LHFPL3: variants seen among roughly 807,000 people sequenced by gnomAD.
The protein encoded by LHFPL3 is LHFPL tetraspan subfamily member 3 protein.
A neutral mutation model predicts 19.3 loss-of-function variants in LHFPL3; 5 were observed. The ratio of observed to expected loss-of-function variants is 0.26; its 90% CI spans 0.14 to 0.54. The LOEUF (loss-of-function observed/expected upper bound fraction) is 0.54, where lower values mean the gene tolerates loss of function less well. Among genes scored for constraint, LHFPL3 ranks in the 20% least tolerant of loss-of-function variants. The probability of loss-of-function intolerance (pLI) is 0.94; values close to 1 mark genes in which losing one functional copy is unlikely to be tolerated. For missense variants in LHFPL3, 249 were observed against 307.4 expected, an observed-to-expected ratio of 0.81 and a Z score of 1.42; for synonymous variants, 133 against 126.2, an observed-to-expected ratio of 1.05 and a Z score of -0.36.
At chr7:104,590,434 T>C (rs1790687191) in intron 1 of LHFPL3, among the ~76,000 whole-genome samples, 1 of 152,258 alleles carries the variant, frequency 6.6e-6, no homozygotes. Flanking sequence ...TGAGTGAGTT[T>C]CTTAATCCTG....
chr7:104,344,510 C>T (rs937982000), intron 1 of LHFPL3, among the ~76,000 whole-genome samples: 7 of 152,166 alleles, frequency 4.6e-5, no homozygotes, highest in South Asian at 2.1e-4. Flanking sequence ...TGAAAACATA[C>T]GGTATTTGGT....
chr7:104,877,208 A>T (rs1355039849), intron 2 of LHFPL3, among the ~76,000 whole-genome samples: 2 of 152,186 alleles, frequency 1.3e-5, no homozygotes, highest in Non-Finnish European at 2.9e-5. Context: ...GCACACCAAC[A>T]TGGCACATGT....
At chr7:104,502,202 T>A (rs1584363458) in intron 1 of LHFPL3, among the ~76,000 whole-genome samples, 1 of 152,214 alleles carries the variant, frequency 6.6e-6, no homozygotes, top group African/African-American at 2.4e-5. Flanking sequence ...GTATAGCACA[T>A]TGCTTTCTAT....
chr7:104,347,050 G>A (rs200412967), intron 1 of LHFPL3, among the ~76,000 whole-genome samples: 1 of 43,432 alleles, frequency 2.3e-5, no homozygotes, highest in Non-Finnish European at 4.3e-5. Flanking sequence ...TTCCTCATCT[G>A]TAAAATGAGG....
intron 1 of LHFPL3, among the ~76,000 whole-genome samples, chr7:104,480,287 G>C (rs1793106989): frequency 6.6e-6 from 1 of 152,110 alleles, no homozygotes; most frequent in Non-Finnish European, 1.5e-5. Context: ...AAATCATCTA[G>C]CTCAGTACCT....
At chr7:104,708,601 T>A (rs1247220838) in intron 1 of LHFPL3, among the ~76,000 whole-genome samples, 1 of 152,178 alleles carries the variant, frequency 6.6e-6, no homozygotes, top group Non-Finnish European at 1.5e-5. Flanking sequence ...TATTTACATC[T>A]ACATTTTAAT....
chr7:104,643,127 T>C (rs2115902435), intron 1 of LHFPL3, among the ~76,000 whole-genome samples: 1 of 152,358 alleles, frequency 6.6e-6, no homozygotes, highest in African/African-American at 2.4e-5. Context: ...TCGGATAAAA[T>C]TGGATCCACC....
At chr7:104,609,188 C>A (rs1204655275) in intron 1 of LHFPL3, among the ~76,000 whole-genome samples, 1 of 151,900 alleles carries the variant, frequency 6.6e-6, no homozygotes, top group Non-Finnish European at 1.5e-5. Flanking sequence ...TTGCTTGAAC[C>A]CGGGAGGCAG....
At position 104,776,808 on chromosome 7, in the gene LHFPL3, T is replaced by C. The variant is rs118006548; in HGVS notation, c.682+39897T>C. ...TTCAGATTGCAGGGCTGGGCTACTG[T>C]ACTTGTTGGGTAACAAACTCTACAT... is the stretch of plus-strand genomic sequence containing the variant. On this transcript the variant is annotated intron_variant, in intron 2 of 2. Transcript: ENST00000424859. Among the ~76,000 whole-genome samples, 669 of 152,348 alleles carry C rather than the reference T, an allele frequency of 4.4e-3. 3 individuals are homozygous for C. The highest frequency in any genetic ancestry group is 0.02 in the Middle Eastern group (6 of 294).
chr7:104,874,233 T>G (rs2116666092), intron 2 of LHFPL3, among the ~76,000 whole-genome samples: 1 of 152,364 alleles, frequency 6.6e-6, no homozygotes, highest in South Asian at 2.1e-4. Context: ...TTAACTGCAC[T>G]GAAGAGCATT....
rs542741430 is a variant in LHFPL3 at position 104,415,817 on chromosome 7, T to A, written c.445+86593T>A. Among the ~76,000 whole-genome samples, 7 of 152,342 alleles carry A rather than the reference T, an allele frequency of 4.6e-5. No individual in the cohort carries two copies. In the South Asian group the frequency reaches 1.4e-3, roughly 32 times the overall value. The stretch of plus-strand genomic sequence containing the variant: ...GACATTAGAGTAGCTTCTACTAGAA[T>A]GTTCGGAAGGGCTATAGTTGGCTAC... On this transcript the variant is annotated intron_variant, in intron 1 of 2. Coordinates refer to ENST00000424859, the MANE Select transcript of LHFPL3 (RefSeq NM_199000.3).
Position 104,731,585 on chromosome 7 carries a change from C to T in LHFPL3, c.446-5090C>T, listed in dbSNP as rs1368746493. 4.6e-5 allele frequency among the ~76,000 whole-genome samples: 7 copies of T among 151,982 alleles called. No homozygotes were observed. The East Asian group carries it at 9.7e-4, about 21-fold the overall frequency. ...TGCACATTGATTTTGTATCCTGAGA[C>T]TTTGCTGAAGTTGCTTATCAGCTTA... On this transcript the variant is annotated intron_variant, in intron 1 of 2. Transcript: ENST00000424859.
chr7:104,901,695 A>G (rs572542452), intron 2 of LHFPL3, among the ~76,000 whole-genome samples: 1 of 151,920 alleles, frequency 6.6e-6, no homozygotes, highest in Non-Finnish European at 1.5e-5. Flanking sequence ...AACCTCCCAC[A>G]TAGCTGGGAC....
intron 1 of LHFPL3, among the ~76,000 whole-genome samples, chr7:104,580,820 A>G (rs1469103483): frequency 6.6e-6 from 1 of 151,916 alleles, no homozygotes; most frequent in South Asian, 2.1e-4. Context: ...TCCTTCTTTT[A>G]CTCAGCATAA....
chr7:104,677,236 G>A (rs1792608275), intron 1 of LHFPL3, among the ~76,000 whole-genome samples: 1 of 152,050 alleles, frequency 6.6e-6, no homozygotes, highest in African/African-American at 2.4e-5. Context: ...AATTAGCTGG[G>A]TGTGGTGGCA....
intron 2 of LHFPL3, among the ~76,000 whole-genome samples, chr7:104,811,573 G>A (rs545274247): frequency 6.6e-6 from 1 of 152,070 alleles, no homozygotes; most frequent in African/African-American, 2.4e-5. Flanking sequence ...CCCAATCCTA[G>A]AAGGGAAAAA....
At chr7:104,497,689 C>T (rs969419798) in intron 1 of LHFPL3, among the ~76,000 whole-genome samples, 1 of 151,980 alleles carries the variant, frequency 6.6e-6, no homozygotes, top group Non-Finnish European at 1.5e-5. Context: ...CACACCCCCT[C>T]CAAGCTGGAG....
chr7:104,600,139 G>T (rs1790935538), intron 1 of LHFPL3, among the ~76,000 whole-genome samples: 5 of 152,122 alleles, frequency 3.3e-5, no homozygotes. Flanking sequence ...ACTATAACCT[G>T]GGGTACCCTA....
chr7:104,780,971 C>T (rs937795238), intron 2 of LHFPL3, among the ~76,000 whole-genome samples: 1 of 152,206 alleles, frequency 6.6e-6, no homozygotes, highest in African/African-American at 2.4e-5. Flanking sequence ...CTCACTTCAA[C>T]CCGTTCTTTG....
Sources: gnomAD v4.1 joint callset for allele counts (sites outside exome capture counted in the v4.1 genomes callset) on GRCh38, gnomAD v4.1.1 for gene constraint, MANE v1.5 for transcripts, NCBI Gene and HGNC (gene_info 2026-07-23, HGNC 2026-07-21) for gene names.